Variants in SRP54 observed in about 807,000 individuals in gnomAD.
The protein encoded by SRP54 is signal recognition particle 54, also known as signal recognition particle subunit SRP54.
Under a neutral mutation model 64.8 loss-of-function variants are expected in SRP54, and 10 were observed. The ratio of observed to expected loss-of-function variants is 0.15; its 90% CI spans 0.10 to 0.26. The LOEUF is 0.26. Among genes scored for constraint, SRP54 ranks in the 10% least tolerant of loss-of-function variants. The pLI, the probability that SRP54 is intolerant of heterozygous loss-of-function variation, is 1.00. For synonymous variants in SRP54, 193 were observed against 185.6 expected, an observed-to-expected ratio of 1.04 and a Z score of -0.32; for missense variants, 325 against 613.7, an observed-to-expected ratio of 0.53 and a Z score of 4.97.
chr14:35,011,641 T>C lies in SRP54; in HGVS notation c.618T>C (p.Leu206=). The C allele has an allele frequency of 6.3e-7, 1 of 1,579,194 alleles. No individual in the cohort carries two copies. ...AAGACTCTTTGTTTGAAGAAATGCT[T>C]CAAGTTGCTAATGCTATAGTAAGTA... The part of the protein sequence containing the change: ...KQEDSLFEEM[L]QVANAIQPDN... Residue 206 remains leucine, a synonymous_variant, in exon 8 of 16, where the codon CTT becomes CTC. Coordinates refer to ENST00000216774, the MANE Select transcript of SRP54 (RefSeq NM_003136.4).
At chr14:35,003,026 G>A (rs185966022) in intron 4 of SRP54, among the ~76,000 whole-genome samples, 1 of 152,168 alleles carries the variant, frequency 6.6e-6, no homozygotes, top group East Asian at 1.9e-4. Flanking sequence ...GATTACACAT[G>A]TCAGCCACTT....
chr14:35,021,520 C>T (rs2139021469), intron 13 of SRP54, among the ~76,000 whole-genome samples: 1 of 152,150 alleles, frequency 6.6e-6, no homozygotes, highest in Non-Finnish European at 1.5e-5. Flanking sequence ...ATAGTTCCAG[C>T]TACTCAGGAG....
Position 35,008,095 on chromosome 14 carries a change from T to C in SRP54, c.361-532T>C, listed in dbSNP as rs183613497. ...AGGTTCCCACCCAGCATACTATAGA[T>C]CTTCATTTTGTGTATCCTTATGCCA... is the stretch of plus-strand genomic sequence containing the variant. On this transcript the variant is annotated intron_variant, in intron 5 of 15. Coordinates refer to ENST00000216774, the MANE Select transcript of SRP54 (RefSeq NM_003136.4). Among the ~76,000 whole-genome samples the C allele has an allele frequency of 3.3e-5, 5 of 152,246 alleles. No homozygotes were observed. The East Asian group carries it at 9.6e-4, about 29-fold the overall frequency.
chr14:35,027,025 T>A (rs2044640118), intron 14 of SRP54, among the ~76,000 whole-genome samples: 1 of 130,404 alleles, frequency 7.7e-6, no homozygotes, highest in Admixed American at 7.7e-5. Flanking sequence ...CTTTCTACTT[T>A]CTTTTTTTTT....
Position 34,995,135 on chromosome 14 carries a change from GTGTGTGTGTGTGT to G in SRP54, c.-33-1541_-33-1529del, listed in dbSNP as rs2044048688. ...TCCAGAGAAGCAGAATCAATAAAGG[GTGTGTGTGTGTGT>G]GTGTGTGTGTGTGTGTGTGTGTGTG... On this transcript the variant is annotated intron_variant, in intron 1 of 15. Coordinates refer to ENST00000216774, the MANE Select transcript of SRP54 (RefSeq NM_003136.4). 2.5e-3 allele frequency among the ~76,000 whole-genome samples: 141 copies of G among 56,690 alleles called. 3 individuals are homozygous for G. Among genetic ancestry groups the G allele is most frequent in the Middle Eastern group, 7.8e-3 (1 of 128 alleles). 37.2% of individuals were successfully genotyped at this position (56,690 alleles called of 152,430 possible). A position where few individuals can be genotyped will look rare whatever the true frequency, so the allele number is the denominator to read the frequency against.
chr14:35,000,516 G>A (rs553882578), intron 3 of SRP54, among the ~76,000 whole-genome samples: 7 of 150,918 alleles, frequency 4.6e-5, no homozygotes, highest in South Asian at 2.1e-4. Context: ...GCAGTGAGCC[G>A]AGATCATGCC....
intron 11 of SRP54, 38 bp downstream of exon 11, chr14:35,014,868 C>T (rs535691961): frequency 6.7e-7 from 1 of 1,484,218 alleles, no homozygotes; most frequent in Non-Finnish European, 9.3e-7. Flanking sequence ...TCTCAGATTT[C>T]TTCCATTGAT....
intron 1 of SRP54, among the ~76,000 whole-genome samples, chr14:34,993,908 T>C (rs1407672267): frequency 1.3e-5 from 2 of 152,076 alleles, no homozygotes; most frequent in East Asian, 3.9e-4. Context: ...TTGGTCAGGG[T>C]GGTCTCGAAC....
chr14:34,985,128 C>T (rs977940377), intron 1 of SRP54, among the ~76,000 whole-genome samples: 31 of 152,164 alleles, frequency 2.0e-4, no homozygotes, highest in African/African-American at 7.5e-4. Context: ...CTCAAGAGTT[C>T]GAGACCAGCT....
intron 13 of SRP54, among the ~76,000 whole-genome samples, chr14:35,019,796 A>C (rs536426001): frequency 6.6e-6 from 1 of 152,220 alleles, no homozygotes; most frequent in Non-Finnish European, 1.5e-5. Flanking sequence ...GTGTATATAA[A>C]AGTTATGTTT....
In SRP54 at chr14:34,994,444, C is replaced by G. The variant is rs549817613; in HGVS notation, c.-33-2233C>G. 3.3e-5 allele frequency among the ~76,000 whole-genome samples: 5 copies of G among 152,280 alleles called. No homozygotes were observed. In the South Asian group the frequency reaches 1.0e-3, roughly 32 times the overall value. On this transcript the variant is annotated intron_variant, in intron 1 of 15. Transcript: ENST00000216774. ...AGTTACCTTTTCTGCTAATATTGTT[C>G]ATATTGGAAAATTGATATTCCCCAG...
At chr14:34,986,964 G>C (rs1294972969) in intron 1 of SRP54, among the ~76,000 whole-genome samples, 1 of 151,748 alleles carries the variant, frequency 6.6e-6, no homozygotes, top group Non-Finnish European at 1.5e-5. Context: ...GGCTGGGTGC[G>C]GTGGCTTAAG....
chr14:35,015,320 C>T (rs1046931637), intron 11 of SRP54, among the ~76,000 whole-genome samples: 14 of 152,176 alleles, frequency 9.2e-5, no homozygotes, highest in African/African-American at 3.4e-4. Context: ...AGGTGATCCA[C>T]CCACCTCAGC....
chr14:35,013,603 A>C (rs563992521), intron 9 of SRP54, 109 bp downstream of exon 9: 47 of 1,299,900 alleles, frequency 3.6e-5, no homozygotes, highest in Non-Finnish European at 4.8e-5. Context: ...AGTGAGCCTA[A>C]TATGGTTTAT....
chr14:35,017,944 G>GAC (rs1363221614), intron 11 of SRP54, among the ~76,000 whole-genome samples: 1 of 151,998 alleles, frequency 6.6e-6, no homozygotes, highest in Non-Finnish European at 1.5e-5. Flanking sequence ...AATGTAGTGA[G>GAC]ACCCATATCT....
At chr14:35,008,867 C>T (rs1213729260) in intron 7 of SRP54, 36 bp downstream of exon 7, 4 of 1,359,322 alleles carry the variant, frequency 2.9e-6, no homozygotes, top group Non-Finnish European at 4.0e-6. Context: ...ACTTATATCC[C>T]TCTTCTTGTC....
intron 2 of SRP54, among the ~76,000 whole-genome samples, chr14:34,998,564 C>T (rs931834993): frequency 6.6e-6 from 1 of 152,068 alleles, no homozygotes; most frequent in Non-Finnish European, 1.5e-5. Flanking sequence ...GTAATCCCAG[C>T]ACTCTGGGAG....
Position 35,029,053 on chromosome 14 carries a change from T to C in SRP54, c.1424-8T>C. The C allele has an allele frequency of 1.9e-6, 3 of 1,611,164 alleles. No homozygotes were observed. Among genetic ancestry groups the C allele is most frequent in the Non-Finnish European group, 2.5e-6 (3 of 1,178,272 alleles). On this transcript the variant is annotated splice_polypyrimidine_tract_variant and splice_region_variant and intron_variant, in intron 15 of 15. Transcript: ENST00000216774. Reference sequence around the variant, plus strand: ...GTTTTTAACTCTACTTCCCTACTTTTGCTCTAGGTGGTATGGCAGGACTTC... The same window carrying C: ...GTTTTTAACTCTACTTCCCTACTTTCGCTCTAGGTGGTATGGCAGGACTTC...
chr14:35,023,120 A>G (rs1335380551), intron 14 of SRP54, 40 bp downstream of exon 14: 1 of 1,509,902 alleles, frequency 6.6e-7, no homozygotes, highest in Non-Finnish European at 9.0e-7. Flanking sequence ...CAGACGGAAA[A>G]GAAAGGAAGT....
Sources: gnomAD v4.1 joint callset for allele counts (sites outside exome capture counted in the v4.1 genomes callset) on GRCh38, gnomAD v4.1.1 for gene constraint, MANE v1.5 for transcripts, NCBI Gene and HGNC (gene_info 2026-07-23, HGNC 2026-07-21) for gene names.